FHIT: variants seen among roughly 807,000 people sequenced by gnomAD.
The protein encoded by FHIT is bis(5'-adenosyl)-triphosphatase.
A neutral mutation model predicts 17.9 loss-of-function variants in FHIT; 19 were observed. That is an observed-to-expected ratio of 1.06 (90% CI 0.74 to 1.56). FHIT has a LOEUF of 1.56. Ranked by LOEUF, FHIT falls within the 40% of genes most tolerant of loss-of-function variation. FHIT has a pLI of 0.00. For synonymous variants in FHIT, 81 were observed against 69.7 expected, an observed-to-expected ratio of 1.16 and a Z score of -0.81; for missense variants, 248 against 189.2, an observed-to-expected ratio of 1.31 and a Z score of -1.82.
intron 5 of FHIT, among the ~76,000 whole-genome samples, chr3:60,095,836 G>A (rs981348629): frequency 1.3e-5 from 2 of 152,186 alleles, no homozygotes; most frequent in African/African-American, 2.4e-5. Flanking sequence ...ACTGAATCCA[G>A]CAAAAGTTTA....
At chr3:60,837,812 T>C (rs1341725596) in intron 3 of FHIT, among the ~76,000 whole-genome samples, 2 of 152,180 alleles carry the variant, frequency 1.3e-5, no homozygotes, top group East Asian at 3.8e-4. Context: ...TATTACTTTA[T>C]ATATTTATAA....
At chr3:60,412,802 A>T (rs66467459) in intron 5 of FHIT, among the ~76,000 whole-genome samples, 29,582 of 152,128 alleles carry the variant, frequency 0.19, 3,734 homozygotes, top group East Asian at 0.48. Flanking sequence ...AAAGGAGGGA[A>T]GTAATTGGAT....
At chr3:60,689,216 GC>G (rs35422497) in intron 4 of FHIT, among the ~76,000 whole-genome samples, 5,877 of 152,174 alleles carry the variant, frequency 0.039, 150 homozygotes, top group East Asian at 0.099. Context: ...TGATTGTGAG[GC>G]CTCCCCAGCC....
In FHIT at chr3:60,938,995, CT is replaced by C. The variant is rs1433111337; in HGVS notation, c.-111+103051del. 5.3e-5 allele frequency among the ~76,000 whole-genome samples: 8 copies of C among 152,164 alleles called. No individual in the cohort carries two copies. The East Asian group carries it at 1.5e-3, about 29-fold the overall frequency. ...GCCCAGAAAACTATAGGTGGATAAT[CT>C]TTCAGTCTGTTTCTATGTATACATC... On this transcript the variant is annotated intron_variant, in intron 3 of 9. Coordinates refer to ENST00000492590, the MANE Select transcript of FHIT (RefSeq NM_002012.4).
intron 5 of FHIT, among the ~76,000 whole-genome samples, chr3:60,241,223 A>C (rs1705113787): frequency 6.6e-6 from 1 of 152,122 alleles, no homozygotes; most frequent in South Asian, 2.1e-4. Flanking sequence ...ATTCCCTAAG[A>C]CAGTACCAAG....
At chr3:60,251,884 T>C (rs1229082063) in intron 5 of FHIT, among the ~76,000 whole-genome samples, 1 of 152,216 alleles carries the variant, frequency 6.6e-6, no homozygotes, top group African/African-American at 2.4e-5. Flanking sequence ...TTGTTATCTA[T>C]TCCATAATAA....
chr3:60,224,920 C>T (rs1489916650), intron 5 of FHIT, among the ~76,000 whole-genome samples: 1 of 151,798 alleles, frequency 6.6e-6, no homozygotes, highest in Non-Finnish European at 1.5e-5. Context: ...GGGGTTTCAC[C>T]ATTTTGGCCA....
At chr3:60,059,139 A>C (rs549143085) in intron 5 of FHIT, among the ~76,000 whole-genome samples, 2 of 152,302 alleles carry the variant, frequency 1.3e-5, no homozygotes, top group East Asian at 3.9e-4. Context: ...CTCTCTTTAA[A>C]ATAATAATTT....
chr3:59,917,672 C>T (rs2107171526), intron 8 of FHIT, among the ~76,000 whole-genome samples: 1 of 152,292 alleles, frequency 6.6e-6, no homozygotes, highest in African/African-American at 2.4e-5. Flanking sequence ...AGAGCTTCAG[C>T]AGACAATCTG....
intron 2 of FHIT, among the ~76,000 whole-genome samples, chr3:61,186,167 T>C (rs2038502246): frequency 6.6e-6 from 1 of 152,206 alleles, no homozygotes; most frequent in Non-Finnish European, 1.5e-5. Context: ...AGGTGGTAAC[T>C]AAGTTATTTA....
intron 5 of FHIT, among the ~76,000 whole-genome samples, chr3:60,069,798 T>G (rs1244791638): frequency 6.6e-6 from 1 of 152,198 alleles, no homozygotes; most frequent in African/African-American, 2.4e-5. Flanking sequence ...AGTCATACTT[T>G]CCATCCTTAG....
At chr3:60,511,698 C>CA (rs1325061775) in intron 5 of FHIT, among the ~76,000 whole-genome samples, 1 of 152,000 alleles carries the variant, frequency 6.6e-6, no homozygotes, top group African/African-American at 2.4e-5. Context: ...TAGCCATGAG[C>CA]ACACTTAATG....
chr3:60,026,867 G>C (rs988272756), intron 5 of FHIT, among the ~76,000 whole-genome samples: 1 of 152,152 alleles, frequency 6.6e-6, no homozygotes, highest in Non-Finnish European at 1.5e-5. Context: ...GGGAGGCCAA[G>C]GTGGGTGGGT....
At chr3:59,795,395 A>C (rs1408722816) in intron 8 of FHIT, among the ~76,000 whole-genome samples, 1 of 152,034 alleles carries the variant, frequency 6.6e-6, no homozygotes, top group East Asian at 1.9e-4. Context: ...AAAAAAAAAA[A>C]ATACCATAAC....
intron 4 of FHIT, among the ~76,000 whole-genome samples, chr3:60,632,762 T>C (rs1237589060): frequency 6.6e-6 from 1 of 152,160 alleles, no homozygotes; most frequent in African/African-American, 2.4e-5. Flanking sequence ...CTAAAATTCA[T>C]TGTCACCGAG....
At chr3:60,614,304 C>G (rs2038874338) in intron 4 of FHIT, among the ~76,000 whole-genome samples, 1 of 152,150 alleles carries the variant, frequency 6.6e-6, no homozygotes, top group African/African-American at 2.4e-5. Flanking sequence ...AATTCATGTT[C>G]TAAGACTTAA....
chr3:60,050,642 G>C (rs1486666865), intron 5 of FHIT, among the ~76,000 whole-genome samples: 2 of 152,106 alleles, frequency 1.3e-5, no homozygotes, highest in African/African-American at 4.8e-5. Flanking sequence ...GGATCCCCGA[G>C]TCTCACAGAT....
At chr3:60,336,284 A>T (rs1710235664) in intron 5 of FHIT, among the ~76,000 whole-genome samples, 1 of 152,230 alleles carries the variant, frequency 6.6e-6, no homozygotes, top group African/African-American at 2.4e-5. Context: ...TAAATGAAAC[A>T]TTCAAGACCT....
At chr3:60,682,687 T>C (rs1034661541) in intron 4 of FHIT, among the ~76,000 whole-genome samples, 1 of 152,220 alleles carries the variant, frequency 6.6e-6, no homozygotes, top group African/African-American at 2.4e-5. Flanking sequence ...AGGAAATGAA[T>C]GTTGTTTTCA....
Sources: gnomAD v4.1 joint callset for allele counts (sites outside exome capture counted in the v4.1 genomes callset) on GRCh38, gnomAD v4.1.1 for gene constraint, MANE v1.5 for transcripts, NCBI Gene and HGNC (gene_info 2026-07-23, HGNC 2026-07-21) for gene names.